MED13L: variants seen among roughly 807,000 people sequenced by gnomAD.
The protein encoded by MED13L is mediator complex subunit 13L, also known as mediator of RNA polymerase II transcription subunit 13-like.
A neutral mutation model predicts 220.9 loss-of-function variants in MED13L; 7 were observed. The observed-to-expected ratio is 0.03, with a 90% CI of 0.02 to 0.06. The LOEUF is 0.06. Among genes scored for constraint, MED13L ranks in the 10% least tolerant of loss-of-function variants. The pLI, the probability that MED13L is intolerant of heterozygous loss-of-function variation, is 1.00. For synonymous variants in MED13L, 1,011 were observed against 1,015.2 expected (o/e 1.00, Z 0.08); for missense variants, 1,965 against 2,760.5 (o/e 0.71, Z 6.46).
intron 30 of MED13L, 115 bp from the exon 31 acceptor site, chr12:115,961,513 C>G: frequency 7.2e-7 from 1 of 1,395,746 alleles, no homozygotes; most frequent in South Asian, 1.2e-5. Context: ...CATTCCTTAA[C>G]TTGCCCCAGG....
chr12:116,215,352 C>CA (rs1161630687), intron 2 of MED13L, among the ~76,000 whole-genome samples: 2 of 152,182 alleles, frequency 1.3e-5, no homozygotes, highest in Admixed American at 6.5e-5. Context: ...ATAGAACCTT[C>CA]AAAGCCTTTG....
At chr12:116,256,811 G>A (rs1403839983) in intron 1 of MED13L, among the ~76,000 whole-genome samples, 2 of 147,862 alleles carry the variant, frequency 1.4e-5, no homozygotes, top group Non-Finnish European at 3.0e-5. Context: ...TCAGCCTCCA[G>A]AGTAGCTGGG....
At chr12:116,211,125 T>C (rs1464415138) in intron 2 of MED13L, among the ~76,000 whole-genome samples, 1 of 152,204 alleles carries the variant, frequency 6.6e-6, no homozygotes, top group East Asian at 1.9e-4. Flanking sequence ...TTCTGCTCAA[T>C]GATCTTCTGT....
chr12:116,089,753 G>A (rs1872024808), intron 4 of MED13L, among the ~76,000 whole-genome samples: 1 of 152,116 alleles, frequency 6.6e-6, no homozygotes, highest in African/African-American at 2.4e-5. Context: ...AACAGGAGCA[G>A]TCATTTCCCT....
intron 16 of MED13L, among the ~76,000 whole-genome samples, chr12:115,995,149 T>G (rs1256912552): frequency 1.3e-5 from 2 of 152,180 alleles, no homozygotes; most frequent in African/African-American, 4.8e-5. Context: ...ACATTAAAAT[T>G]AACTTCATCA....
chr12:116,164,345 A>G (rs1371800533), intron 2 of MED13L, among the ~76,000 whole-genome samples: 2 of 152,204 alleles, frequency 1.3e-5, no homozygotes, highest in East Asian at 1.9e-4. Context: ...CAACAATTCA[A>G]CTTCCTCAAC....
chr12:116,060,835 G>A (rs1248436737), intron 4 of MED13L, among the ~76,000 whole-genome samples: 1 of 152,044 alleles, frequency 6.6e-6, no homozygotes, highest in Non-Finnish European at 1.5e-5. Context: ...GCTTTACGGA[G>A]CTTTGACTTT....
chr12:116,222,877 TA>T (rs1477901473), intron 2 of MED13L, among the ~76,000 whole-genome samples: 1 of 152,224 alleles, frequency 6.6e-6, no homozygotes, highest in Non-Finnish European at 1.5e-5. Flanking sequence ...CACTAAAAAC[TA>T]TTAAAGATTT....
Position 116,126,647 on chromosome 12 carries a change from T to C in MED13L, c.311-15135A>G, listed in dbSNP as rs546671945. ...TAGAATTTGCAAATTACCAGAAAAG[T>C]TGAAAGAATAAATCAAACCAAAAAC... On this transcript the variant is annotated intron_variant, in intron 2 of 30. Coordinates refer to ENST00000281928, the MANE Select transcript of MED13L (RefSeq NM_015335.5). Among the ~76,000 whole-genome samples the C allele has an allele frequency of 2.6e-4, 39 of 152,326 alleles. 1 individual carries two copies. Among genetic ancestry groups the C allele is most frequent in the African/African-American group, 9.1e-4 (38 of 41,584 alleles).
intron 2 of MED13L, among the ~76,000 whole-genome samples, chr12:116,189,851 C>T (rs987317713): frequency 2.0e-5 from 3 of 152,074 alleles, no homozygotes; most frequent in Non-Finnish European, 4.4e-5. Context: ...TGCTAGTATA[C>T]AGAAGTTCAA....
At chr12:116,214,206 C>G (rs1363712957) in intron 2 of MED13L, among the ~76,000 whole-genome samples, 1 of 152,140 alleles carries the variant, frequency 6.6e-6, no homozygotes, top group Non-Finnish European at 1.5e-5. Flanking sequence ...ACACAAAGTT[C>G]TAAAACTTTT....
chr12:116,217,070 C>T (rs1034939525), intron 2 of MED13L, among the ~76,000 whole-genome samples: 2 of 152,142 alleles, frequency 1.3e-5, no homozygotes, highest in African/African-American at 2.4e-5. Flanking sequence ...AAGTCTTTCC[C>T]TTTACCTTGA....
At chr12:116,182,231 T>A (rs1367978779) in intron 2 of MED13L, among the ~76,000 whole-genome samples, 1 of 152,156 alleles carries the variant, frequency 6.6e-6, no homozygotes, top group Non-Finnish European at 1.5e-5. Context: ...CCCAAACCCA[T>A]TCAAACTGGT....
intron 8 of MED13L, among the ~76,000 whole-genome samples, chr12:116,014,137 A>G (rs1879584669): frequency 6.6e-6 from 1 of 152,208 alleles, no homozygotes; most frequent in Non-Finnish European, 1.5e-5. Context: ...CTACATCTTC[A>G]ATGGACTATT....
intron 4 of MED13L, among the ~76,000 whole-genome samples, chr12:116,045,668 CA>C (rs1420221538): frequency 6.6e-6 from 1 of 152,062 alleles, no homozygotes; most frequent in Admixed American, 6.6e-5. Flanking sequence ...CCAACATTAA[CA>C]TAACAAATTT....
Position 116,009,102 on chromosome 12 carries a change from C to A in MED13L, c.1311G>T (p.Gly437=), listed in dbSNP as rs768611622. 4 of 1,613,862 alleles carry A rather than the reference C, an allele frequency of 2.5e-6. No homozygotes were observed. Among genetic ancestry groups the A allele is most frequent in the Middle Eastern group, 1.6e-4 (1 of 6,082 alleles). ...GAGATACTGTGGGAGGTCGATTGGG[C>A]CCGACTGCACAACGTTTTAAAAGCT... The part of the protein sequence containing the change: ...RHKLLKRCAV[G]PNRPPTVSQP... Residue 437 remains glycine, a synonymous_variant, in exon 10 of 31, where the codon GGG becomes GGT. Transcript: ENST00000281928.
In MED13L at chr12:116,005,658, A is replaced by G. The variant is rs10774844; in HGVS notation, c.2469+211T>C. 0.98 allele frequency among the ~76,000 whole-genome samples: 149,821 copies of G among 152,260 alleles called. 73,725 individuals carry two copies. The highest frequency in any genetic ancestry group is 1 in the East Asian group (5,193 of 5,194). On this transcript the variant is annotated intron_variant, in intron 13 of 30. Transcript: ENST00000281928. The stretch of plus-strand genomic sequence containing the variant: ...ACAAAACTCGAGGTGGATACACTAC[A>G]CTAATAACCTTTACAATCTTTTCCA...
intron 1 of MED13L, among the ~76,000 whole-genome samples, chr12:116,252,733 A>G (rs928810705): frequency 1.3e-5 from 2 of 152,138 alleles, no homozygotes; most frequent in South Asian, 2.1e-4. Context: ...GGTTCTTTAA[A>G]GATTAGTAAA....
intron 1 of MED13L, among the ~76,000 whole-genome samples, chr12:116,269,950 T>C (rs1873151854): frequency 6.6e-6 from 1 of 151,648 alleles, no homozygotes; most frequent in South Asian, 2.1e-4. Context: ...TACAAGGCAG[T>C]TTTCTTTTTT....
Sources: gnomAD v4.1 joint callset for allele counts (sites outside exome capture counted in the v4.1 genomes callset) on GRCh38, gnomAD v4.1.1 for gene constraint, MANE v1.5 for transcripts, NCBI Gene and HGNC (gene_info 2026-07-23, HGNC 2026-07-21) for gene names.